EIF5B: variants seen among roughly 807,000 people sequenced by gnomAD.
EIF5B encodes eukaryotic translation initiation factor 5B.
In EIF5B, 47 loss-of-function variants were observed where a neutral mutation model predicts 147.5. The ratio of observed to expected loss-of-function variants is 0.32; its 90% CI spans 0.25 to 0.41. The LOEUF is 0.41. EIF5B is among the 10% of genes least tolerant of loss of function. The pLI is 1.00. For synonymous variants in EIF5B, 455 were observed against 456.2 expected, an observed-to-expected ratio of 1.00 and a Z score of 0.03; for missense variants, 1,064 against 1,413.2, an observed-to-expected ratio of 0.75 and a Z score of 3.96.
intron 1 of EIF5B, among the ~76,000 whole-genome samples, chr2:99,348,417 G>A (rs1452760163): frequency 6.6e-6 from 1 of 152,220 alleles, no homozygotes; most frequent in Non-Finnish European, 1.5e-5. Flanking sequence ...GAGGAGCAAT[G>A]ACTGCTGGGC....
rs777465571 is a variant in EIF5B at position 99,394,395 on chromosome 2, G to C, written c.3009G>C (p.Val1003=). 1 of 1,613,668 alleles carries C rather than the reference G, an allele frequency of 6.2e-7. No individual in the cohort carries two copies. The highest frequency in any genetic ancestry group is 1.3e-5 in the African/African-American group (1 of 74,836). The change falls in exon 19 of 24, where the codon GTG becomes GTC. Residue 1003 remains valine (V), a synonymous_variant. Transcript: ENST00000289371. The part of the protein sequence containing the change: ...ALLEFLKTSE[V]PYAGINIGPV... ...TGGAATTTCTGAAAACATCAGAAGT[G>C]CCCGTAAGTAACTACAACTCGCTCC...
At chr2:99,352,754 C>T (rs941720471) in intron 1 of EIF5B, among the ~76,000 whole-genome samples, 5 of 151,930 alleles carry the variant, frequency 3.3e-5, no homozygotes, top group East Asian at 1.9e-4. Context: ...AGATTACAGG[C>T]GTGAGCTACT....
At chr2:99,376,107 C>G (rs771857740) in intron 9 of EIF5B, among the ~76,000 whole-genome samples, 32 of 152,120 alleles carry the variant, frequency 2.1e-4, no homozygotes, top group Non-Finnish European at 4.4e-5. Context: ...TGTGGCCTAG[C>G]ACAAATTTGT....
intron 1 of EIF5B, among the ~76,000 whole-genome samples, chr2:99,344,150 G>C (rs1278583695): frequency 2.0e-5 from 3 of 151,948 alleles, no homozygotes; most frequent in African/African-American, 7.2e-5. Flanking sequence ...TCGATCTCCT[G>C]ACCTCGTTAT....
chr2:99,383,054 TTGTG>T lies in EIF5B; in HGVS notation c.2271+145_2271+148del, dbSNP rs146864457. 554 of 928,306 alleles carry T rather than the reference TTGTG, an allele frequency of 6.0e-4. 4 individuals carry two copies. The African/African-American group carries it at 7.7e-3, about 13-fold the overall frequency. The allele number at this position is 928,306 out of a possible 1,614,324, so 57.5% of individuals were successfully genotyped here. A position where few individuals can be genotyped will look rare whatever the true frequency, so the allele number is the denominator to read the frequency against. ...TTCACTATATTGTGCTTCACAGATA[TTGTG>T]TGTGTGTGTGTATTTGTGTATAGTT... On this transcript the variant is annotated intron_variant, in intron 14 of 23. Coordinates refer to ENST00000289371, the MANE Select transcript of EIF5B (RefSeq NM_015904.4).
rs1674211103 is a variant in EIF5B, at chr2:99,361,411, C to T, written c.510C>T (p.Asn170=). The change falls in exon 4 of 24, where the codon AAC becomes AAT. Residue 170 remains asparagine (N), a synonymous_variant. Coordinates refer to ENST00000289371, the MANE Select transcript of EIF5B (RefSeq NM_015904.4). The stretch of plus-strand genomic sequence containing the variant: ...ATGGGTCAGAGGAGGATGAGGATAA[C>T]AGTAAAAAAATTAAAGAGCGTTCAA... ...KWDGSEEDED[N]SKKIKERSRI... The T allele has an allele frequency of 6.2e-7, 1 of 1,613,304 alleles. No individual in the cohort carries two copies. The highest frequency in any genetic ancestry group is 8.5e-7 in the Non-Finnish European group (1 of 1,179,958).
At chr2:99,373,693 T>TGTA (rs1329647334) in intron 9 of EIF5B, among the ~76,000 whole-genome samples, 2 of 152,366 alleles carry the variant, frequency 1.3e-5, no homozygotes, top group African/African-American at 4.8e-5. Flanking sequence ...GTTCATTAAA[T>TGTA]GTAACATTTG....
At position 99,363,841 on chromosome 2, in the gene EIF5B, A is replaced by C. The variant is rs779156736; in HGVS notation, c.1116A>C (p.Leu372Phe). 2.5e-6 allele frequency: 4 copies of C among 1,608,334 alleles called. No homozygotes were observed. The highest frequency in any genetic ancestry group is 3.4e-6 in the Non-Finnish European group (4 of 1,178,660). Residue 372 changes from leucine (L) to phenylalanine (F), a missense_variant, in exon 5 of 24, where the codon TTA becomes TTC. Transcript: ENST00000289371. The stretch of plus-strand genomic sequence containing the variant: ...AACGTATAAAACGGCTTGAAGAATT[A>C]GAAGCCAAGCGTAAAGAAGAGGTAT... ...EEERIKRLEE[L>F]EAKRKEEERL...
At chr2:99,375,862 T>C (rs1674554406) in intron 9 of EIF5B, among the ~76,000 whole-genome samples, 1 of 152,230 alleles carries the variant, frequency 6.6e-6, no homozygotes, top group African/African-American at 2.4e-5. Flanking sequence ...TGAGCACCAC[T>C]ACGTGACGCT....
intron 4 of EIF5B, among the ~76,000 whole-genome samples, chr2:99,362,726 CT>C (rs1357032541): frequency 7.9e-5 from 12 of 151,950 alleles, no homozygotes; most frequent in Middle Eastern, 6.8e-3. Flanking sequence ...AGTAGTTTTT[CT>C]TTTGACTGGA....
At chr2:99,368,809 C>G (rs1164611221) in intron 7 of EIF5B, among the ~76,000 whole-genome samples, 1 of 152,192 alleles carries the variant, frequency 6.6e-6, no homozygotes, top group Non-Finnish European at 1.5e-5. Flanking sequence ...GGGTTCTACC[C>G]TATGAATATT....
At chr2:99,383,810 T>C (rs1281323274) in intron 14 of EIF5B, among the ~76,000 whole-genome samples, 1 of 152,172 alleles carries the variant, frequency 6.6e-6, no homozygotes, top group Non-Finnish European at 1.5e-5. Context: ...TCTTGGACTT[T>C]CATAGCTAGA....
At chr2:99,397,102 A>G (rs1047845436) in intron 22 of EIF5B, 2 of 464,608 alleles carry the variant, frequency 4.3e-6, no homozygotes, top group African/African-American at 4.0e-5. Context: ...AGAGCCTGTC[A>G]CCTTCTGTTG....
At chr2:99,370,250 ATC>A (rs1391712099) in intron 8 of EIF5B, among the ~76,000 whole-genome samples, 1 of 151,928 alleles carries the variant, frequency 6.6e-6, no homozygotes, top group East Asian at 1.9e-4. Context: ...TTGGGGAAAA[ATC>A]TCTGGTTTTA....
chr2:99,370,142 A>G (rs185294338), intron 8 of EIF5B, among the ~76,000 whole-genome samples: 1 of 152,314 alleles, frequency 6.6e-6, no homozygotes, highest in African/African-American at 2.4e-5. Context: ...AACCATAAAA[A>G]TTGGCATTTT....
chr2:99,337,742 C>A (rs1268605941), intron 1 of EIF5B, among the ~76,000 whole-genome samples, 153 bp downstream of exon 1: 1 of 152,188 alleles, frequency 6.6e-6, no homozygotes, highest in South Asian at 2.1e-4. Flanking sequence ...CGGGCCCAAG[C>A]CCCCGGGCCG....
intron 17 of EIF5B, 105 bp downstream of exon 17, chr2:99,390,810 C>T: frequency 8.3e-7 from 1 of 1,198,742 alleles, no homozygotes; most frequent in Non-Finnish European, 1.2e-6. Context: ...TAATACAGAA[C>T]ACATACATCC....
intron 14 of EIF5B, among the ~76,000 whole-genome samples, chr2:99,388,855 G>A (rs11892441): frequency 0.44 from 66,417 of 151,954 alleles, 14,784 homozygotes; most frequent in Admixed American, 0.57. Context: ...TTCCTCCTCT[G>A]TTTTCTGAAA....
intron 7 of EIF5B, 71 bp from the exon 8 acceptor site, chr2:99,369,321 A>T: frequency 8.3e-7 from 1 of 1,201,718 alleles, no homozygotes; most frequent in Non-Finnish European, 1.2e-6. Flanking sequence ...TTTATTCAGT[A>T]CTTAATGGAG....
Sources: allele counts gnomAD v4.1 joint callset (sites outside exome capture counted in the v4.1 genomes callset), GRCh38; gene constraint gnomAD v4.1.1; transcripts MANE v1.5; gene names NCBI Gene and HGNC (gene_info 2026-07-23, HGNC 2026-07-21).